PDE12: variants seen among roughly 807,000 people sequenced by gnomAD.
PDE12 encodes phosphodiesterase 12.
A neutral mutation model predicts 45.4 loss-of-function variants in PDE12; 26 were observed. That is an observed-to-expected ratio of 0.57 (90% CI 0.42 to 0.79). The LOEUF (loss-of-function observed/expected upper bound fraction) is 0.79, where lower values mean the gene tolerates loss of function less well. Ranked by LOEUF, PDE12 falls within the 30% of genes least tolerant of loss-of-function variation. PDE12 has a pLI of 0.00. For missense variants in PDE12, 668 were observed against 790.0 expected, an observed-to-expected ratio of 0.85 and a Z score of 1.85; for synonymous variants, 283 against 323.9, an observed-to-expected ratio of 0.87 and a Z score of 1.36.
rs1255069681 is a variant in PDE12, at chr3:57,556,798, A to T, written c.419A>T (p.Asp140Val). ...EAVAEDVLNV[D>V]AWQDGAVLQI... is the part of the protein sequence containing the mutation. Reference sequence around the variant, plus strand: ...GTGGCTGAGGACGTGCTCAACGTGGATGCCTGGCAAGACGGCGCGGTGCTG... The same window carrying T: ...GTGGCTGAGGACGTGCTCAACGTGGTTGCCTGGCAAGACGGCGCGGTGCTG... Residue 140 changes from aspartate to valine, a missense_variant, in exon 1 of 3, where the codon GAT becomes GTT. Around this residue, in one of 3 missense-constraint regions of PDE12, gnomAD observed 580 missense variants for 662.9 expected, o/e 0.87. Transcript: ENST00000311180. This position sits in a 1 kb window ranked among gnomAD's most constrained non-coding sequence, Gnocchi z 5.0. The T allele has an allele frequency of 1.2e-6, 2 of 1,612,356 alleles. No homozygotes were observed. The highest frequency in any genetic ancestry group is 2.2e-5 in the East Asian group (1 of 44,866).
chr3:57,654,175 T>C, the PDE12 span, among the ~76,000 whole-genome samples: 141 of 151,744 alleles, frequency 9.3e-4, 1 homozygote, highest in Admixed American at 3.0e-3. Context: ...CAGGATGGTC[T>C]CGATCTCCTG....
the PDE12 span, among the ~76,000 whole-genome samples, chr3:57,585,521 C>T: frequency 3.3e-5 from 5 of 152,066 alleles, no homozygotes; most frequent in African/African-American, 7.2e-5. Flanking sequence ...ATGTAAACAA[C>T]GAGTTAATGG....
the PDE12 span, among the ~76,000 whole-genome samples, chr3:57,631,384 T>C: frequency 2.0e-5 from 3 of 151,774 alleles, no homozygotes; most frequent in Admixed American, 2.0e-4. Context: ...TTAGTAGAGA[T>C]GGGGTTTTAC....
chr3:57,598,220 G>A, the PDE12 span: 4 of 152,122 alleles, frequency 2.6e-5, no homozygotes, highest in Non-Finnish European at 4.4e-5. Flanking sequence ...AAAATTCACA[G>A]CAATGATAAA....
At chr3:57,649,801 CCCCCCA>C in the PDE12 span, among the ~76,000 whole-genome samples, 1 of 149,610 alleles carries the variant, frequency 6.7e-6, no homozygotes, top group Admixed American at 6.7e-5. Context: ...GTTGGATTGA[CCCCCCA>C]CCCCCACCCC....
the PDE12 span, chr3:57,627,982 G>A: frequency 2.2e-6 from 1 of 444,834 alleles, no homozygotes; most frequent in African/African-American, 2.0e-5. Flanking sequence ...TAAAAATATA[G>A]AAATGCCTTT....
At chr3:57,647,321 G>A in the PDE12 span, among the ~76,000 whole-genome samples, 12 of 152,114 alleles carry the variant, frequency 7.9e-5, no homozygotes, top group African/African-American at 2.7e-4. Context: ...CAGCTCATGG[G>A]TAAGGCAAAG....
chr3:57,644,012 T>G, the PDE12 span, among the ~76,000 whole-genome samples: 77 of 151,392 alleles, frequency 5.1e-4, 1 homozygote, highest in East Asian at 0.011. Flanking sequence ...TAGCTGGGTG[T>G]GATAGTGTGC....
At chr3:57,577,843 CAG>C in the PDE12 span, among the ~76,000 whole-genome samples, 1 of 152,024 alleles carries the variant, frequency 6.6e-6, no homozygotes, top group Middle Eastern at 3.4e-3. Flanking sequence ...TGCTTGAACT[CAG>C]GAGTTTGAGA....
the PDE12 span, among the ~76,000 whole-genome samples, chr3:57,609,791 A>C: frequency 6.6e-6 from 1 of 152,204 alleles, no homozygotes; most frequent in Non-Finnish European, 1.5e-5. Flanking sequence ...TCACAGCCGA[A>C]TTCTACCAGA....
chr3:57,641,869 AC>A, the PDE12 span: 1 of 687,858 alleles, frequency 1.5e-6, no homozygotes, highest in African/African-American at 1.8e-5. Context: ...CCTTTATTCA[AC>A]ACATTACATA....
intron 1 of PDE12, among the ~76,000 whole-genome samples, chr3:57,558,411 C>T (rs1353694688): frequency 6.6e-6 from 1 of 152,294 alleles, no homozygotes; most frequent in South Asian, 2.1e-4. Context: ...CCTGTGCTTA[C>T]GCTTGAAAAC....
chr3:57,591,083 G>C, the PDE12 span, among the ~76,000 whole-genome samples: 1 of 152,102 alleles, frequency 6.6e-6, no homozygotes, highest in Non-Finnish European at 1.5e-5. Flanking sequence ...TTAAAAACCT[G>C]AGTCTTGCAG....
the PDE12 span, among the ~76,000 whole-genome samples, chr3:57,613,486 G>T: frequency 1.3e-5 from 2 of 151,182 alleles, no homozygotes; most frequent in Non-Finnish European, 2.9e-5. Context: ...TAGAGACAGG[G>T]TTTCACCATC....
chr3:57,559,280 T>C (rs760640462), intron 1 of PDE12, 30 bp from the exon 2 acceptor site: 1 of 1,523,044 alleles, frequency 6.6e-7, no homozygotes, highest in Non-Finnish European at 9.0e-7. Flanking sequence ...AAATGCCAAC[T>C]GAACTCTTGG....
chr3:57,594,007 G>C, the PDE12 span, among the ~76,000 whole-genome samples: 1 of 152,156 alleles, frequency 6.6e-6, no homozygotes, highest in Non-Finnish European at 1.5e-5. Flanking sequence ...TGTAATCCTA[G>C]CACTTTGGGA....
chr3:57,642,517 C>A, the PDE12 span, among the ~76,000 whole-genome samples: 3 of 151,904 alleles, frequency 2.0e-5, no homozygotes, highest in East Asian at 5.8e-4. Context: ...TATGGCCTGT[C>A]TGTAGAACTA....
At chr3:57,570,376 C>CTTTT (rs1241352591), downstream of PDE12, among the ~76,000 whole-genome samples, 4 of 128,918 alleles carry the variant, frequency 3.1e-5, no homozygotes, top group African/African-American at 9.2e-5. Flanking sequence ...ACACCAGACC[C>CTTTT]TTTTTTTTTT....
the PDE12 span, among the ~76,000 whole-genome samples, chr3:57,582,007 C>G: frequency 6.6e-6 from 1 of 152,136 alleles, no homozygotes; most frequent in African/African-American, 2.4e-5. Context: ...AAAAAACTCC[C>G]TGGAGTATAT....
Sources: allele counts gnomAD v4.1 joint callset (sites outside exome capture counted in the v4.1 genomes callset), GRCh38; gene constraint gnomAD v4.1.1; regional missense constraint gnomAD v4.1.1; non-coding constraint Gnocchi (gnomAD v3.1); transcripts MANE v1.5; gene names NCBI Gene and HGNC (gene_info 2026-07-23, HGNC 2026-07-21).